SLC10A7: variants seen among roughly 807,000 people sequenced by gnomAD.
SLC10A7 encodes solute carrier family 10 member 7, also known as sodium/bile acid cotransporter 7.
Under a neutral mutation model 43.2 loss-of-function variants are expected in SLC10A7, and 29 were observed. That is an observed-to-expected ratio of 0.67 (90% confidence interval 0.50 to 0.92). SLC10A7 has a LOEUF of 0.92. Ranked by LOEUF, SLC10A7 falls within the 40% of genes least tolerant of loss-of-function variation. SLC10A7 has a pLI of 0.00. For missense variants in SLC10A7, 295 were observed against 403.2 expected, an observed-to-expected ratio of 0.73 and a Z score of 2.30; for synonymous variants, 152 against 144.8, an observed-to-expected ratio of 1.05 and a Z score of -0.35.
intron 6 of SLC10A7, among the ~76,000 whole-genome samples, chr4:146,316,963 T>C (rs1732368931): frequency 6.6e-6 from 1 of 152,132 alleles, no homozygotes; most frequent in Non-Finnish European, 1.5e-5. Flanking sequence ...CATTTCATCT[T>C]ATCATAATCT....
chr4:146,511,642 A>C (rs931363932), intron 2 of SLC10A7, among the ~76,000 whole-genome samples: 4 of 152,194 alleles, frequency 2.6e-5, no homozygotes, highest in Non-Finnish European at 5.9e-5. Context: ...GACATCCCTA[A>C]ATGACATCTA....
chr4:146,498,653 G>A (rs1341114926), intron 4 of SLC10A7, among the ~76,000 whole-genome samples: 35 of 152,162 alleles, frequency 2.3e-4, no homozygotes, highest in Admixed American at 2.3e-3. Flanking sequence ...AAAGAAGATT[G>A]TCAGTCAGCT....
chr4:146,264,393 A>G (rs1248807561), intron 10 of SLC10A7, among the ~76,000 whole-genome samples: 5 of 152,212 alleles, frequency 3.3e-5, no homozygotes, highest in Admixed American at 3.3e-4. Flanking sequence ...TGTTCACAAC[A>G]TAAAATGATC....
Position 146,388,344 on chromosome 4 carries a change from T to C in SLC10A7, c.435+54439A>G, listed in dbSNP as rs1431168933. Among the ~76,000 whole-genome samples, 6 of 152,164 alleles carry C rather than the reference T, an allele frequency of 3.9e-5. No individual in the cohort carries two copies. The South Asian group carries it at 8.3e-4, about 21-fold the overall frequency. ...GGGAAAGGACACTCCATTCAATAAA[T>C]GGTGCTGGGAAAACTGGAGAACCAT... On this transcript the variant is annotated intron_variant, in intron 5 of 11. Transcript: ENST00000335472.
At chr4:146,341,072 T>C in intron 5 of SLC10A7, among the ~76,000 whole-genome samples, 1 of 151,934 alleles carries the variant, frequency 6.6e-6, no homozygotes, top group East Asian at 1.9e-4. Context: ...TGCTTATGAA[T>C]GGATTTTCAC....
At chr4:146,284,358 G>A (rs1296157061) in intron 9 of SLC10A7, among the ~76,000 whole-genome samples, 4 of 151,998 alleles carry the variant, frequency 2.6e-5, no homozygotes, top group East Asian at 1.9e-4. Flanking sequence ...CCCCATGCAC[G>A]ACTTTTGCTG....
chr4:146,288,924 C>T (rs1228093301), intron 9 of SLC10A7, among the ~76,000 whole-genome samples: 1 of 152,024 alleles, frequency 6.6e-6, no homozygotes, highest in Non-Finnish European at 1.5e-5. Context: ...CAGTGTTTTC[C>T]ACATAATGTT....
chr4:146,403,679 G>A (rs918737344), intron 5 of SLC10A7, among the ~76,000 whole-genome samples: 2 of 152,130 alleles, frequency 1.3e-5, no homozygotes, highest in African/African-American at 4.8e-5. Flanking sequence ...GATCCAAAAA[G>A]AGCAAGCTGA....
intron 2 of SLC10A7, among the ~76,000 whole-genome samples, chr4:146,515,393 A>C (rs972446903): frequency 1.3e-5 from 2 of 152,220 alleles, no homozygotes; most frequent in African/African-American, 4.8e-5. Flanking sequence ...TTGAGAACAA[A>C]TATTAGAACT....
intron 5 of SLC10A7, among the ~76,000 whole-genome samples, chr4:146,394,915 C>A (rs574069885): frequency 2.0e-5 from 3 of 152,124 alleles, no homozygotes; most frequent in Admixed American, 6.6e-5. Context: ...AAATACATGA[C>A]CTTTGTTCAG....
At chr4:146,270,621 A>C (rs1728833216) in intron 10 of SLC10A7, among the ~76,000 whole-genome samples, 1 of 152,122 alleles carries the variant, frequency 6.6e-6, no homozygotes, top group Admixed American at 6.5e-5. Flanking sequence ...CTCCCAGGTG[A>C]TTCTAATGTG....
chr4:146,447,540 A>G (rs946412829), intron 4 of SLC10A7, among the ~76,000 whole-genome samples: 2 of 152,226 alleles, frequency 1.3e-5, no homozygotes, highest in Admixed American at 1.3e-4. Flanking sequence ...GAGTGAATGA[A>G]CAAATACCTC....
At chr4:146,375,415 C>G (rs7670877) in intron 5 of SLC10A7, among the ~76,000 whole-genome samples, 1 of 152,028 alleles carries the variant, frequency 6.6e-6, no homozygotes, top group African/African-American at 2.4e-5. Context: ...GAAATCCTCA[C>G]GCTTAACTCC....
At chr4:146,335,251 TAAAAAAAAAAAA>T (rs34522588) in intron 5 of SLC10A7, among the ~76,000 whole-genome samples, 34 of 92,640 alleles carry the variant, frequency 3.7e-4, no homozygotes, top group African/African-American at 7.2e-4. Context: ...ACAGATGTTG[TAAAAAAAAAAAA>T]AAAAAAAAAA....
Position 146,256,376 on chromosome 4 carries a change from G to T in SLC10A7, c.*115C>A. ...CACTTAAACAGGATCTCATATTTTT[G>T]TGTAAAAAAATAAAATATGCATTGA... On this transcript the variant is annotated 3_prime_UTR_variant, in exon 12 of 12. Transcript: ENST00000335472. 5.2e-6 allele frequency: 5 copies of T among 960,780 alleles called. No individual in the cohort carries two copies. In the East Asian group the frequency reaches 7.4e-5, roughly 14 times the overall value. The allele number at this position is 960,780 out of a possible 1,614,324, so 59.5% of individuals were successfully genotyped here.
Position 146,492,020 on chromosome 4 carries a change from A to T in SLC10A7, c.396+11829T>A, listed in dbSNP as rs1335869492. Among the ~76,000 whole-genome samples, 3 of 152,048 alleles carry T rather than the reference A, an allele frequency of 2.0e-5. No homozygotes were observed. In the East Asian group the frequency reaches 5.8e-4, roughly 29 times the overall value. ...ATCACGAGGTTAGGAGATTGAGACCATCCTGGCTAACATGGTGAAACCCCA... is the reference window on the plus strand; with the variant it reads ...ATCACGAGGTTAGGAGATTGAGACCTTCCTGGCTAACATGGTGAAACCCCA... On this transcript the variant is annotated intron_variant, in intron 4 of 11. Transcript: ENST00000335472.
intron 5 of SLC10A7, among the ~76,000 whole-genome samples, chr4:146,330,684 T>C (rs1357384436): frequency 6.6e-6 from 1 of 152,236 alleles, no homozygotes; most frequent in African/African-American, 2.4e-5. Flanking sequence ...GCAGTACTTA[T>C]GCTGCATACT....
chr4:146,510,116 A>G lies in SLC10A7; in HGVS notation c.184-67T>C, dbSNP rs539899945. Reference sequence around the variant, plus strand: ...CTATTCCTGAAAGGAGATCCCTACTAAAATAACATCACATGAGTTAGTTCT... The same window carrying G: ...CTATTCCTGAAAGGAGATCCCTACTGAAATAACATCACATGAGTTAGTTCT... On this transcript the variant is annotated intron_variant, in intron 2 of 11. Coordinates refer to ENST00000335472, the MANE Select transcript of SLC10A7 (RefSeq NM_001029998.6). 5.1e-5 allele frequency: 74 copies of G among 1,461,806 alleles called. No individual in the cohort carries two copies. The African/African-American group carries it at 8.6e-4, about 17-fold the overall frequency. The allele number at this position is 1,461,806 out of a possible 1,614,324, so 90.6% of individuals were successfully genotyped here.
chr4:146,479,324 G>A (rs903743393), intron 4 of SLC10A7, among the ~76,000 whole-genome samples: 4 of 151,970 alleles, frequency 2.6e-5, no homozygotes, highest in Admixed American at 1.3e-4. Flanking sequence ...ACTATATTTC[G>A]TAGGTTAGCA....
Sources: allele counts gnomAD v4.1 joint callset (sites outside exome capture counted in the v4.1 genomes callset), GRCh38; gene constraint gnomAD v4.1.1; transcripts MANE v1.5; gene names NCBI Gene and HGNC (gene_info 2026-07-23, HGNC 2026-07-21).